RAPH1: variants seen among roughly 807,000 people sequenced by gnomAD.
RAPH1 encodes Ras association (RalGDS/AF-6) and pleckstrin homology domains 1.
In RAPH1, 18 loss-of-function variants were observed where a neutral mutation model predicts 88.1. The observed-to-expected ratio is 0.20, with a 90% CI of 0.14 to 0.30. The LOEUF (loss-of-function observed/expected upper bound fraction) is 0.30. Among genes scored for constraint, RAPH1 ranks in the 10% least tolerant of loss-of-function variants. The pLI, the probability that RAPH1 is intolerant of heterozygous loss-of-function variation, is 1.00. For missense variants in RAPH1, 1,448 were observed against 1,543.2 expected, an observed-to-expected ratio of 0.94 and a Z score of 1.03; for synonymous variants, 587 against 559.0, an observed-to-expected ratio of 1.05 and a Z score of -0.71.
intron 1 of RAPH1, among the ~76,000 whole-genome samples, chr2:203,520,331 C>CAAAA (rs33931481): frequency 6.9e-6 from 1 of 144,120 alleles, no homozygotes. Context: ...GCCCCTGCCT[C>CAAAA]AAAAAAAAAA....
At chr2:203,485,105 T>G (rs1207547419) in intron 4 of RAPH1, among the ~76,000 whole-genome samples, 2 of 152,134 alleles carry the variant, frequency 1.3e-5, no homozygotes, top group Non-Finnish European at 2.9e-5. Flanking sequence ...TGCTCATTTA[T>G]AAGAGTTACA....
intron 1 of RAPH1, among the ~76,000 whole-genome samples, chr2:203,508,437 GGTT>G: frequency 6.6e-6 from 1 of 152,000 alleles, no homozygotes; most frequent in South Asian, 2.1e-4. Flanking sequence ...CTGGCCTTGA[GGTT>G]GTTTATATTC....
intron 1 of RAPH1, 33 bp from the exon 2 acceptor site, chr2:203,495,386 T>A: frequency 1.2e-6 from 2 of 1,611,830 alleles, no homozygotes; most frequent in Non-Finnish European, 8.5e-7. Context: ...GAATGAATAG[T>A]AAGTTACAGG....
intron 4 of RAPH1, chr2:203,470,308 G>A: frequency 6.2e-7 from 1 of 1,605,884 alleles, no homozygotes; most frequent in Non-Finnish European, 8.5e-7. Flanking sequence ...TGTCCAGATA[G>A]GAGTGCTTGT....
chr2:203,497,077 T>C (rs577748341), intron 1 of RAPH1, among the ~76,000 whole-genome samples: 116 of 152,360 alleles, frequency 7.6e-4, no homozygotes, highest in African/African-American at 2.6e-3. Flanking sequence ...AAAGAAGTGA[T>C]TGGGCCATAA....
chr2:203,486,226 T>C (rs1687965420), intron 4 of RAPH1, among the ~76,000 whole-genome samples: 6 of 152,136 alleles, frequency 3.9e-5, no homozygotes, highest in Admixed American at 3.9e-4. Flanking sequence ...GTGATCACCA[T>C]ATAGAAAATT....
At chr2:203,506,765 T>G (rs1419244030) in intron 1 of RAPH1, among the ~76,000 whole-genome samples, 6 of 131,378 alleles carry the variant, frequency 4.6e-5, no homozygotes, top group East Asian at 2.1e-4. Flanking sequence ...TATCTATATA[T>G]ATATCTATAT....
At chr2:203,509,761 T>C (rs546287533) in intron 1 of RAPH1, among the ~76,000 whole-genome samples, 34 of 152,312 alleles carry the variant, frequency 2.2e-4, no homozygotes, top group Admixed American at 6.5e-4. Context: ...GATTGGATCA[T>C]GGAGGTGGTT....
chr2:203,493,366 T>C lies in RAPH1; in HGVS notation c.120+1868A>G, dbSNP rs374069908. ...CAATATCTACCTGCCTTTTCTCTTTTGGGCCCCTCCTCCCAAGCATGGACA... is the reference window on the plus strand; with the variant it reads ...CAATATCTACCTGCCTTTTCTCTTTCGGGCCCCTCCTCCCAAGCATGGACA... On this transcript the variant is annotated intron_variant, in intron 2 of 13. Coordinates refer to ENST00000319170, the MANE Select transcript of RAPH1 (RefSeq NM_213589.3). 2.6e-5 allele frequency among the ~76,000 whole-genome samples: 4 copies of C among 152,142 alleles called. 1 individual carries two copies. The East Asian group carries it at 5.8e-4, about 22-fold the overall frequency.
At chr2:203,453,621 CAAAATCCT>C (rs531111356) in intron 10 of RAPH1, among the ~76,000 whole-genome samples, 69 of 145,654 alleles carry the variant, frequency 4.7e-4, no homozygotes, top group Non-Finnish European at 9.1e-4. Flanking sequence ...ATCAAAACTC[CAAAATCCT>C]AAAATCCTAA....
intron 4 of RAPH1, among the ~76,000 whole-genome samples, chr2:203,487,419 T>C (rs1044260581): frequency 6.6e-6 from 1 of 152,054 alleles, no homozygotes; most frequent in African/African-American, 2.4e-5. Context: ...AGTCTTGCTG[T>C]TGCCAGGCTG....
At position 203,436,059 on chromosome 2, in the gene RAPH1, T is replaced by C. The variant is rs921357017; in HGVS notation, c.*3378A>G. On this transcript the variant is annotated 3_prime_UTR_variant, in exon 14 of 14. Transcript: ENST00000319170. Reference sequence around the variant, plus strand: ...AGTTGTCACTTGGTTGGAATTATTATGATCCCCCAATTTAAATTTTCTTGA... The same window carrying C: ...AGTTGTCACTTGGTTGGAATTATTACGATCCCCCAATTTAAATTTTCTTGA... 6.6e-6 allele frequency: 1 copy of C among 152,230 alleles called. No individual in the cohort carries two copies. Among genetic ancestry groups the C allele is most frequent in the Non-Finnish European group, 1.5e-5 (1 of 68,036 alleles). 9.4% of individuals were successfully genotyped at this position (152,230 alleles called of 1,614,324 possible).
chr2:203,461,288 C>A lies in RAPH1; in HGVS notation c.931G>T (p.Asp311Tyr). ...GAAACGGTTTCTACCAGTGACCAGT[C>A]TAAACTATAACCGCAGTGGGATTTG... Reference protein sequence around the residue: ...MDKSHCGYSLDWSLVETVSEL... With the variant: ...MDKSHCGYSLYWSLVETVSEL... Residue 311 changes from aspartate to tyrosine, a missense_variant, in exon 6 of 14, where the codon GAC (aspartate) becomes TAC (tyrosine). Transcript: ENST00000319170. The A allele has an allele frequency of 6.2e-7, 1 of 1,609,380 alleles. No individual in the cohort carries two copies. The highest frequency in any genetic ancestry group is 8.5e-7 in the Non-Finnish European group (1 of 1,177,578).
At chr2:203,518,855 GAAAA>G (rs947015721) in intron 1 of RAPH1, among the ~76,000 whole-genome samples, 50 of 151,948 alleles carry the variant, frequency 3.3e-4, no homozygotes, top group African/African-American at 1.1e-3. Flanking sequence ...TTTAAAGAAA[GAAAA>G]AAAGGATACT....
intron 4 of RAPH1, among the ~76,000 whole-genome samples, chr2:203,471,749 A>G (rs1217088581): frequency 6.6e-6 from 1 of 152,038 alleles, no homozygotes; most frequent in East Asian, 1.9e-4. Context: ...TATTGTCTGC[A>G]TTTTTAAAGC....
chr2:203,533,718 A>C (rs1018830836), intron 1 of RAPH1, among the ~76,000 whole-genome samples: 1 of 151,958 alleles, frequency 6.6e-6, no homozygotes, highest in African/African-American at 2.4e-5. Flanking sequence ...ACTTACCTAC[A>C]TTCACTAACC....
intron 1 of RAPH1, among the ~76,000 whole-genome samples, chr2:203,512,807 A>G (rs1332559894): frequency 6.6e-6 from 1 of 151,824 alleles, no homozygotes; most frequent in Non-Finnish European, 1.5e-5. Flanking sequence ...GTTATTTTTT[A>G]GTAGAGACAG....
At chr2:203,474,166 A>C (rs1339253995) in intron 4 of RAPH1, among the ~76,000 whole-genome samples, 1 of 152,176 alleles carries the variant, frequency 6.6e-6, no homozygotes, top group Non-Finnish European at 1.5e-5. Flanking sequence ...GCAGGGTAGA[A>C]AGAGGGCAAA....
At chr2:203,490,189 C>A in intron 3 of RAPH1, 100 bp from the exon 4 acceptor site, 1 of 1,185,706 alleles carries the variant, frequency 8.4e-7, no homozygotes, top group Non-Finnish European at 1.2e-6. Flanking sequence ...TTTTGTTGGG[C>A]CTAAAGCAAA....
Sources: allele counts gnomAD v4.1 joint callset (sites outside exome capture counted in the v4.1 genomes callset), GRCh38; gene constraint gnomAD v4.1.1; transcripts MANE v1.5; gene names NCBI Gene and HGNC (gene_info 2026-07-23, HGNC 2026-07-21).